Variants in MYCN observed in about 807,000 individuals in gnomAD.
MYCN encodes the protein MYCN proto-oncogene, bHLH transcription factor.
MYCN carries 3 observed loss-of-function variants against 28.1 expected under a neutral mutation model. The ratio of observed to expected loss-of-function variants is 0.11; its 90% confidence interval spans 0.05 to 0.28. The LOEUF (loss-of-function observed/expected upper bound fraction) is 0.28. Among genes scored for constraint, MYCN ranks in the 10% least tolerant of loss-of-function variants. The pLI is 1.00. For synonymous variants in MYCN, 326 were observed against 288.3 expected, an observed-to-expected ratio of 1.13 and a Z score of -1.32; for missense variants, 572 against 651.4, an observed-to-expected ratio of 0.88 and a Z score of 1.33.
In MYCN at chr2:15,945,833, G is replaced by A. The variant is rs753698437; in HGVS notation, c.1131G>A (p.Ser377=). 9.9e-6 allele frequency: 16 copies of A among 1,613,882 alleles called. No homozygotes were observed. The highest frequency in any genetic ancestry group is 8.3e-5 in the Admixed American group (5 of 60,000). Residue 377 remains serine, a synonymous_variant, in exon 3 of 3, where the codon TCG becomes TCA. Transcript: ENST00000281043. The surrounding 1 kb of genome is among the most constrained non-coding windows in gnomAD (Gnocchi z 4.8). Reference sequence around the variant, plus strand: ...GCTTGAGCCCCCGAAACTCTGACTCGGAGGACAGTGAGCGTCGCAGAAACC... The same window carrying A: ...GCTTGAGCCCCCGAAACTCTGACTCAGAGGACAGTGAGCGTCGCAGAAACC... ...AKSLSPRNSD[S]EDSERRRNHN... is the part of the protein sequence containing the mutation.
rs573377492 is a variant in MYCN, at chr2:15,942,253, C to A, written c.189C>A (p.Pro63=). ...FELLPTPPLS[P]SRGFAEHSSE... is the part of the protein sequence containing the mutation. The stretch of plus-strand genomic sequence containing the variant: ...TGCTGCCCACGCCCCCGCTGTCGCC[C>A]AGCCGTGGCTTCGCGGAGCACAGCT... The change falls in exon 2 of 3, where the codon CCC becomes CCA. Residue 63 remains proline, a synonymous_variant. Coordinates refer to ENST00000281043, the MANE Select transcript of MYCN (RefSeq NM_005378.6). This position sits in a 1 kb window ranked among gnomAD's most constrained non-coding sequence, Gnocchi z 7.0. The A allele has an allele frequency of 2.7e-4, 437 of 1,612,734 alleles. 2 individuals carry two copies. In the South Asian group the frequency reaches 4.5e-3, roughly 17 times the overall value.
chr2:15,943,195 C>T (rs1041037673), intron 2 of MYCN, among the ~76,000 whole-genome samples: 35 of 152,196 alleles, frequency 2.3e-4, no homozygotes, highest in African/African-American at 8.4e-4. Context: ...GGTGGCTAAA[C>T]CGGGTGGGGG....
Position 15,946,168 on chromosome 2 carries a change from TGAC to T in MYCN, c.*72_*74del. On this transcript the variant is annotated 3_prime_UTR_variant, in exon 3 of 3. Coordinates refer to ENST00000281043, the MANE Select transcript of MYCN (RefSeq NM_005378.6). ...TTTTTTTTTTAAACAAACATTGTGTTGACATTAAGAATGTTGGTTTACTTTCAA... is the reference window on the plus strand; with the variant it reads ...TTTTTTTTTTAAACAAACATTGTGTTATTAAGAATGTTGGTTTACTTTCAA... 2 of 1,607,140 alleles carry T rather than the reference TGAC, an allele frequency of 1.2e-6. No individual in the cohort carries two copies. Among genetic ancestry groups the T allele is most frequent in the Non-Finnish European group, 1.7e-6 (2 of 1,174,954 alleles).
Position 15,946,107 on chromosome 2 carries a change from A to G in MYCN, c.*10A>G. The G allele has an allele frequency of 2.5e-6, 4 of 1,614,148 alleles. No homozygotes were observed. The highest frequency in any genetic ancestry group is 3.4e-6 in the Non-Finnish European group (4 of 1,180,052). ...CGCTCGGACTTGCTAGACGCTTCTC[A>G]AAACTGGACAGTCACTGCCACTTTG... On this transcript the variant is annotated 3_prime_UTR_variant, in exon 3 of 3. Coordinates refer to ENST00000281043, the MANE Select transcript of MYCN (RefSeq NM_005378.6).
rs998174759 is a variant in MYCN at position 15,945,850 on chromosome 2, G to A, written c.1148G>A (p.Arg383His). Residue 383 changes from arginine (R) to histidine (H), a missense_variant, in exon 3 of 3, where the codon CGC becomes CAC. Arg to His is a conservative substitution (Grantham distance 29). Transcript: ENST00000281043. The surrounding 1 kb of genome is among the most constrained non-coding windows in gnomAD (Gnocchi z 4.8). ...TCTGACTCGGAGGACAGTGAGCGTC[G>A]CAGAAACCACAACATCCTGGAGCGC... ...RNSDSEDSER[R>H]RNHNILERQR... The A allele has an allele frequency of 6.2e-7, 1 of 1,613,914 alleles. No homozygotes were observed. The highest frequency in any genetic ancestry group is 1.7e-5 in the Admixed American group (1 of 60,008).
In MYCN at chr2:15,945,682, A is replaced by G; in HGVS notation, c.980A>G (p.His327Arg). 1 of 1,614,182 alleles carries G rather than the reference A, an allele frequency of 6.2e-7. No individual in the cohort carries two copies. Among genetic ancestry groups the G allele is most frequent in the East Asian group, 2.2e-5 (1 of 44,876 alleles). The change falls in exon 3 of 3, where the codon CAC becomes CGC. Residue 327 changes from histidine (H) to arginine (R), a missense_variant. His to Arg is a conservative substitution (Grantham distance 29, BLOSUM62 0). Coordinates refer to ENST00000281043, the MANE Select transcript of MYCN (RefSeq NM_005378.6). This position sits in a 1 kb window ranked among gnomAD's most constrained non-coding sequence, Gnocchi z 4.8. ...ELILKRCLPI[H>R]QQHNYAAPSP... ...ATCCTCAAACGATGCCTTCCCATCC[A>G]CCAGCAGCACAACTATGCCGCCCCC... is the stretch of plus-strand genomic sequence containing the variant.
chr2:15,942,050 C>A lies in MYCN; in HGVS notation c.-15C>A. The A allele has an allele frequency of 6.2e-7, 1 of 1,613,214 alleles. No individual in the cohort carries two copies. Among genetic ancestry groups the A allele is most frequent in the Non-Finnish European group, 8.5e-7 (1 of 1,179,946 alleles). ...GCGGAAAGAAGCCCTCAGTCGCCGG[C>A]CGGGAGGCGAGCCGATGCCGAGCTG... On this transcript the variant is annotated 5_prime_UTR_variant, in exon 2 of 3. Transcript: ENST00000281043. This position sits in a 1 kb window ranked among gnomAD's most constrained non-coding sequence, Gnocchi z 7.0.
rs770817606 is a variant in MYCN, at chr2:15,945,500, AGAT to A, written c.804_806del (p.Asp268del). On this transcript the variant is annotated inframe_deletion, in exon 3 of 3. Coordinates refer to ENST00000281043, the MANE Select transcript of MYCN (RefSeq NM_005378.6). The surrounding 1 kb of genome is among the most constrained non-coding windows in gnomAD (Gnocchi z 4.8). ...CTAGCATCTTTCTCTCAGATGATGA[AGAT>A]GATGAAGAGGAAGATGAAGAGGAAG... The A allele has an allele frequency of 2.2e-5, 35 of 1,607,570 alleles. 1 individual carries two copies. In the South Asian group the frequency reaches 3.1e-4, roughly 14 times the overall value.
Position 15,942,805 on chromosome 2 carries a change from C to A in MYCN, c.741C>A (p.Gly247=). 2 of 1,529,024 alleles carry A rather than the reference C, an allele frequency of 1.3e-6. No homozygotes were observed. The highest frequency in any genetic ancestry group is 1.2e-5 in the South Asian group (1 of 81,498). The allele number at this position is 1,529,024 out of a possible 1,614,324, so 94.7% of individuals were successfully genotyped here. A position where few individuals can be genotyped will look rare whatever the true frequency, so the allele number is the denominator to read the frequency against. Residue 247 remains glycine (G), a synonymous_variant, in exon 2 of 3, where the codon GGC becomes GGA. Coordinates refer to ENST00000281043, the MANE Select transcript of MYCN (RefSeq NM_005378.6). The surrounding 1 kb of genome is among the most constrained non-coding windows in gnomAD (Gnocchi z 7.0). ...CAGGCGGCCGCCAGACCAGCGGCGG[C>A]GACCACAAGGCCCTCAGTACCTCCG... The part of the protein sequence containing the change: ...PRPGGRQTSG[G]DHKALSTSGE...
At position 15,945,715 on chromosome 2, in the gene MYCN, A is replaced by C. The variant is rs1269408510; in HGVS notation, c.1013A>C (p.Tyr338Ser). 6.2e-7 allele frequency: 1 copy of C among 1,613,880 alleles called. No homozygotes were observed. The highest frequency in any genetic ancestry group is 8.5e-7 in the Non-Finnish European group (1 of 1,179,934). Reference sequence around the variant, plus strand: ...CACAACTATGCCGCCCCCTCTCCCTACGTGGAGAGTGAGGATGCACCCCCA... The same window carrying C: ...CACAACTATGCCGCCCCCTCTCCCTCCGTGGAGAGTGAGGATGCACCCCCA... ...QQHNYAAPSP[Y>S]VESEDAPPQK... Residue 338 changes from tyrosine (Y) to serine (S), a missense_variant, in exon 3 of 3, where the codon TAC becomes TCC. Tyr to Ser is a moderately radical substitution (Grantham distance 144). Transcript: ENST00000281043. This position sits in a 1 kb window ranked among gnomAD's most constrained non-coding sequence, Gnocchi z 4.8.
Position 15,941,789 on chromosome 2 carries a change from A to C in MYCN, c.-117-159A>C. 1 of 543,910 alleles carries C rather than the reference A, an allele frequency of 1.8e-6. No homozygotes were observed. 33.7% of individuals were successfully genotyped at this position (543,910 alleles called of 1,614,324 possible). ...TGTACACAAAAGGAGGGCGGGAGGGAGGGAGCGAGAGGCACAACTTCCTCC... is the reference window on the plus strand; with the variant it reads ...TGTACACAAAAGGAGGGCGGGAGGGCGGGAGCGAGAGGCACAACTTCCTCC... On this transcript the variant is annotated intron_variant, in intron 1 of 2. Transcript: ENST00000281043. This position sits in a 1 kb window ranked among gnomAD's most constrained non-coding sequence, Gnocchi z 4.8.
Position 15,941,969 on chromosome 2 carries a change from C to T in MYCN, c.-96C>T. On this transcript the variant is annotated 5_prime_UTR_variant, in exon 2 of 3. Coordinates refer to ENST00000281043, the MANE Select transcript of MYCN (RefSeq NM_005378.6). The surrounding 1 kb of genome is among the most constrained non-coding windows in gnomAD (Gnocchi z 4.8). ...GCAGTGTTGGAGGTCGGCGCCGGCC[C>T]CCGCCTTCCGCGCCCCCCACGGGAA... 6.6e-7 allele frequency: 1 copy of T among 1,513,394 alleles called. No individual in the cohort carries two copies. The highest frequency in any genetic ancestry group is 9.0e-7 in the Non-Finnish European group (1 of 1,111,168). The allele number at this position is 1,513,394 out of a possible 1,614,324, so 93.7% of individuals were successfully genotyped here. A position where few individuals can be genotyped will look rare whatever the true frequency, so the allele number is the denominator to read the frequency against.
In MYCN at chr2:15,942,600, T is replaced by A. The variant is rs2103325380; in HGVS notation, c.536T>A (p.Leu179His). 1 of 1,081,238 alleles carries A rather than the reference T, an allele frequency of 9.2e-7. No individual in the cohort carries two copies. Among genetic ancestry groups the A allele is most frequent in the Non-Finnish European group, 1.1e-6 (1 of 893,458 alleles). The allele number at this position is 1,081,238 out of a possible 1,614,324, so 67.0% of individuals were successfully genotyped here. Residue 179 changes from leucine to histidine, a missense_variant, in exon 2 of 3, where the codon CTC (leucine) becomes CAC (histidine). Leu to His is a moderately conservative substitution (Grantham distance 99). Transcript: ENST00000281043. The surrounding 1 kb of genome is among the most constrained non-coding windows in gnomAD (Gnocchi z 7.0). ...GRAGAALPAE[L>H]AHPAAECVDP... is the part of the protein sequence containing the mutation. ...GCCGGGGCCGCCCTGCCCGCCGAGC[T>A]CGCCCACCCGGCCGCCGAGTGCGTG...
Position 15,941,092 on chromosome 2 carries a change from G to A in MYCN, c.-118+349G>A, listed in dbSNP as rs1288955659. The A allele has an allele frequency of 5.1e-6, 1 of 197,660 alleles. No individual in the cohort carries two copies. Among genetic ancestry groups the A allele is most frequent in the Non-Finnish European group, 1.0e-5 (1 of 98,344 alleles). 12.2% of individuals were successfully genotyped at this position (197,660 alleles called of 1,614,324 possible). A position where few individuals can be genotyped will look rare whatever the true frequency, so the allele number is the denominator to read the frequency against. ...CCAGGCTGGGGTTCTTCTCCAAAGG[G>A]TGCCCCTGGAGGAAGAAGAGGGGGG... On this transcript the variant is annotated intron_variant, in intron 1 of 2. Transcript: ENST00000281043. The surrounding 1 kb of genome is among the most constrained non-coding windows in gnomAD (Gnocchi z 4.8).
rs1054389587 is a variant in MYCN, at chr2:15,946,166, G to C, written c.*69G>C. The stretch of plus-strand genomic sequence containing the variant: ...GATTTTTTTTTTAAACAAACATTGT[G>C]TTGACATTAAGAATGTTGGTTTACT... On this transcript the variant is annotated 3_prime_UTR_variant, in exon 3 of 3. Coordinates refer to ENST00000281043, the MANE Select transcript of MYCN (RefSeq NM_005378.6). 1 of 1,607,374 alleles carries C rather than the reference G, an allele frequency of 6.2e-7. No individual in the cohort carries two copies. The highest frequency in any genetic ancestry group is 1.3e-5 in the African/African-American group (1 of 74,808).
rs1359047986 is a variant in MYCN, at chr2:15,945,430, GAT to G, written c.791-56_791-55del. On this transcript the variant is annotated intron_variant, in intron 2 of 2. Coordinates refer to ENST00000281043, the MANE Select transcript of MYCN (RefSeq NM_005378.6). This position sits in a 1 kb window ranked among gnomAD's most constrained non-coding sequence, Gnocchi z 4.8. ...ACAGATAAGCATACATATTAACATGGATATATATGTGAATTTCATTCAAATGG... is the reference window on the plus strand; with the variant it reads ...ACAGATAAGCATACATATTAACATGGATATATGTGAATTTCATTCAAATGG... 6.5e-7 allele frequency: 1 copy of G among 1,529,292 alleles called. No homozygotes were observed. The highest frequency in any genetic ancestry group is 8.9e-7 in the Non-Finnish European group (1 of 1,127,038). The allele number at this position is 1,529,292 out of a possible 1,614,324, so 94.7% of individuals were successfully genotyped here.
chr2:15,945,867 C>T lies in MYCN; in HGVS notation c.1165C>T (p.Leu389=), dbSNP rs1662856380. The T allele has an allele frequency of 6.2e-7, 1 of 1,614,112 alleles. No individual in the cohort carries two copies. The highest frequency in any genetic ancestry group is 1.1e-5 in the South Asian group (1 of 91,090). ...DSERRRNHNI[L]ERQRRNDLRS... ...TGAGCGTCGCAGAAACCACAACATCCTGGAGCGCCAGCGCCGCAACGACCT... is the reference window on the plus strand; with the variant it reads ...TGAGCGTCGCAGAAACCACAACATCTTGGAGCGCCAGCGCCGCAACGACCT... The change falls in exon 3 of 3, where the codon CTG becomes TTG. Residue 389 remains leucine (L), a synonymous_variant. Coordinates refer to ENST00000281043, the MANE Select transcript of MYCN (RefSeq NM_005378.6). The surrounding 1 kb of genome is among the most constrained non-coding windows in gnomAD (Gnocchi z 4.8).
rs1188455029 is a variant in MYCN at position 15,942,041 on chromosome 2, A to T, written c.-24A>T. On this transcript the variant is annotated 5_prime_UTR_variant, in exon 2 of 3. Transcript: ENST00000281043. This position sits in a 1 kb window ranked among gnomAD's most constrained non-coding sequence, Gnocchi z 7.0. ...ACGAACGGGGCGGAAAGAAGCCCTC[A>T]GTCGCCGGCCGGGAGGCGAGCCGAT... is the stretch of plus-strand genomic sequence containing the variant. 2.5e-6 allele frequency: 4 copies of T among 1,613,086 alleles called. No homozygotes were observed. Among genetic ancestry groups the T allele is most frequent in the Non-Finnish European group, 3.4e-6 (4 of 1,179,918 alleles).
In MYCN at chr2:15,941,924, C is replaced by G; in HGVS notation, c.-117-24C>G. ...TCGGTCTGCCCCGTTTGCCCACCCT[C>G]TCCGGTGTGTCTGTCGGTTGCAGTG... On this transcript the variant is annotated intron_variant, in intron 1 of 2. Coordinates refer to ENST00000281043, the MANE Select transcript of MYCN (RefSeq NM_005378.6). The surrounding 1 kb of genome is among the most constrained non-coding windows in gnomAD (Gnocchi z 4.8). 9.3e-7 allele frequency: 1 copy of G among 1,077,866 alleles called. No individual in the cohort carries two copies. Among genetic ancestry groups the G allele is most frequent in the Non-Finnish European group, 1.4e-6 (1 of 738,278 alleles). The allele number at this position is 1,077,866 out of a possible 1,614,324, so 66.8% of individuals were successfully genotyped here.
Sources: gnomAD v4.1 joint callset for allele counts (sites outside exome capture counted in the v4.1 genomes callset) on GRCh38, gnomAD v4.1.1 for gene constraint, Gnocchi (gnomAD v3.1) non-coding constraint, MANE v1.5 for transcripts, NCBI Gene and HGNC (gene_info 2026-07-23, HGNC 2026-07-21) for gene names.